Variants in SPIRE1 observed in about 807,000 individuals in gnomAD.
SPIRE1 encodes the protein protein spire homolog 1.
In SPIRE1, 40 loss-of-function variants were observed where a neutral mutation model predicts 94.1. That is an observed-to-expected ratio of 0.43 (90% confidence interval 0.33 to 0.55). The LOEUF (loss-of-function observed/expected upper bound fraction) is 0.55, where lower values mean the gene tolerates loss of function less well. Ranked by LOEUF, SPIRE1 falls within the 20% of genes least tolerant of loss-of-function variation. The probability of loss-of-function intolerance (pLI) is 0.06; values close to 1 mark genes in which losing one functional copy is unlikely to be tolerated. For synonymous variants in SPIRE1, 376 were observed against 371.7 expected (o/e 1.01, Z -0.13); for missense variants, 838 against 975.2 (o/e 0.86, Z 1.87).
At position 12,459,729 on chromosome 18, in the gene SPIRE1, C is replaced by A. The variant is rs903906919; in HGVS notation, c.1638+3622G>T. The stretch of plus-strand genomic sequence containing the variant: ...TCAGAGATACAGAGAATGAAATAAT[C>A]CCAGACCCAGCAGAAAGAGGCCAAC... On this transcript the variant is annotated intron_variant, in intron 12 of 16. Transcript: ENST00000409402. The A allele has an allele frequency of 5.1e-6, 5 of 985,110 alleles. No individual in the cohort carries two copies. In the African/African-American group the frequency reaches 7.0e-5, roughly 14 times the overall value. 61.0% of individuals were successfully genotyped at this position (985,110 alleles called of 1,614,324 possible).
rs1205963637 is a variant in SPIRE1, at chr18:12,546,912, C to A, written c.373-8G>T. 6.3e-7 allele frequency: 1 copy of A among 1,597,242 alleles called. No homozygotes were observed. Among genetic ancestry groups the A allele is most frequent in the Non-Finnish European group, 8.6e-7 (1 of 1,168,414 alleles). On this transcript the variant is annotated splice_polypyrimidine_tract_variant and splice_region_variant and intron_variant, in intron 2 of 16. Transcript: ENST00000409402. Reference sequence around the variant, plus strand: ...TCCCAAAGATTCAATGACCTAGGAACATTTAAAAAAGTGGTTAATGGAGAT... The same window carrying A: ...TCCCAAAGATTCAATGACCTAGGAAAATTTAAAAAAGTGGTTAATGGAGAT...
chr18:12,615,179 T>C (rs563210713), intron 2 of SPIRE1, among the ~76,000 whole-genome samples: 1 of 149,192 alleles, frequency 6.7e-6, no homozygotes, highest in African/African-American at 2.5e-5. Context: ...ATACAAAAAA[T>C]TAGCTGGGCG....
At chr18:12,574,961 G>A (rs1462354711) in intron 2 of SPIRE1, among the ~76,000 whole-genome samples, 2 of 152,196 alleles carry the variant, frequency 1.3e-5, no homozygotes, top group African/African-American at 4.8e-5. Flanking sequence ...GTAAGGTGGA[G>A]GTCATTGGAG....
chr18:12,521,759 C>T (rs1044357385), intron 4 of SPIRE1, among the ~76,000 whole-genome samples: 2 of 151,610 alleles, frequency 1.3e-5, no homozygotes, highest in Admixed American at 6.6e-5. Context: ...GTAATTCTCA[C>T]AATATTCCAT....
rs1412821685 is a variant in SPIRE1, at chr18:12,658,072, A to T, written c.-206T>A. Reference sequence around the variant, plus strand: ...CGAGGACACGGCTGCAGTCCCGGTCAGACAGCCGCCGGCCGGTAGCGACGC... The same window carrying T: ...CGAGGACACGGCTGCAGTCCCGGTCTGACAGCCGCCGGCCGGTAGCGACGC... On this transcript the variant is annotated 5_prime_UTR_variant, in exon 1 of 17. Transcript: ENST00000409402. 2.8e-5 allele frequency: 28 copies of T among 992,230 alleles called. No homozygotes were observed. Among genetic ancestry groups the T allele is most frequent in the Non-Finnish European group, 3.3e-5 (28 of 835,846 alleles). The allele number at this position is 992,230 out of a possible 1,614,324, so 61.5% of individuals were successfully genotyped here. A position where few individuals can be genotyped will look rare whatever the true frequency, so the allele number is the denominator to read the frequency against.
At chr18:12,548,348 G>A (rs1402263344) in intron 2 of SPIRE1, among the ~76,000 whole-genome samples, 2 of 152,176 alleles carry the variant, frequency 1.3e-5, no homozygotes, top group Non-Finnish European at 2.9e-5. Context: ...AAATACAAGA[G>A]AGTCATTGAC....
intron 4 of SPIRE1, among the ~76,000 whole-genome samples, chr18:12,525,004 C>T (rs2034464862): frequency 6.6e-6 from 1 of 150,548 alleles, no homozygotes; most frequent in Non-Finnish European, 1.5e-5. Flanking sequence ...TGGCCAGGCA[C>T]GGTGGCTCAC....
rs1241017649 is a variant in SPIRE1, at chr18:12,479,889, G to A, written c.1232-18C>T. On this transcript the variant is annotated intron_variant, in intron 9 of 16. Coordinates refer to ENST00000409402, the MANE Select transcript of SPIRE1 (RefSeq NM_001128626.2). ...AGTCACATCTGGTAAAAAAGCAAAA[G>A]CTTACCTTTTCTTGAGCCAAGAAAG... The A allele has an allele frequency of 1.2e-6, 2 of 1,606,982 alleles. No individual in the cohort carries two copies. The highest frequency in any genetic ancestry group is 2.2e-5 in the South Asian group (2 of 89,756).
At chr18:12,461,438 A>ACACATG (rs2031802932) in intron 12 of SPIRE1, among the ~76,000 whole-genome samples, 1 of 140,066 alleles carries the variant, frequency 7.1e-6, no homozygotes, top group African/African-American at 3.0e-5. Flanking sequence ...GTATGTATGT[A>ACACATG]TATACATACA....
chr18:12,612,487 A>G (rs2037170412), intron 2 of SPIRE1, among the ~76,000 whole-genome samples: 1 of 152,124 alleles, frequency 6.6e-6, no homozygotes, highest in Non-Finnish European at 1.5e-5. Flanking sequence ...TTTCATATTT[A>G]TATAGTCTTA....
chr18:12,544,825 T>A (rs1192879444), intron 3 of SPIRE1, among the ~76,000 whole-genome samples: 1 of 152,234 alleles, frequency 6.6e-6, no homozygotes, highest in Non-Finnish European at 1.5e-5. Context: ...ATTTTAAAAT[T>A]CCAATTACTC....
intron 2 of SPIRE1, among the ~76,000 whole-genome samples, chr18:12,579,192 CACACACAT>C (rs760106615): frequency 0.024 from 1,593 of 67,504 alleles, 15 homozygotes; most frequent in Middle Eastern, 0.042. Flanking sequence ...AGTTTACACA[CACACACAT>C]ACACACACAC....
chr18:12,595,554 G>A (rs1174571703), intron 2 of SPIRE1, among the ~76,000 whole-genome samples: 2 of 152,134 alleles, frequency 1.3e-5, no homozygotes, highest in Non-Finnish European at 2.9e-5. Context: ...AAAACTATAC[G>A]TGTGGCTCAT....
At chr18:12,524,188 T>C (rs2034438819) in intron 4 of SPIRE1, among the ~76,000 whole-genome samples, 1 of 152,254 alleles carries the variant, frequency 6.6e-6, no homozygotes, top group Non-Finnish European at 1.5e-5. Context: ...ATATAATACT[T>C]TGAAAAATTC....
At chr18:12,658,858 T>C, upstream of SPIRE1, 1 of 306,228 alleles carries the variant, frequency 3.3e-6, no homozygotes, top group South Asian at 2.6e-5. Flanking sequence ...AATATAAACA[T>C]GTACATAATT....
intron 2 of SPIRE1, among the ~76,000 whole-genome samples, chr18:12,591,968 C>CAAAAAAAAAAAAAAAAAAAAAA (rs35668057): frequency 3.0e-5 from 2 of 67,434 alleles, no homozygotes; most frequent in African/African-American, 5.7e-5. Context: ...GACTCCATCT[C>CAAAAAAAAAAAAAAAAAAAAAA]AAAAAAAAAA....
chr18:12,656,646 C>T (rs952649805), intron 1 of SPIRE1: 25 of 929,404 alleles, frequency 2.7e-5, no homozygotes, highest in Middle Eastern at 1.1e-3. Flanking sequence ...TTTTAATAGA[C>T]TTGCCTCTCA....
At chr18:12,450,117 G>GT (rs1442531709) in intron 16 of SPIRE1, among the ~76,000 whole-genome samples, 3 of 151,744 alleles carry the variant, frequency 2.0e-5, no homozygotes, top group Admixed American at 6.6e-5. Flanking sequence ...GCTCACGCCT[G>GT]TAATCCCAGC....
At chr18:12,637,140 A>G (rs2037952730) in intron 1 of SPIRE1, among the ~76,000 whole-genome samples, 1 of 152,150 alleles carries the variant, frequency 6.6e-6, no homozygotes, top group Admixed American at 6.5e-5. Flanking sequence ...CAGACAGATC[A>G]TGAGGTCAGG....
Sources: gnomAD v4.1 joint callset for allele counts (sites outside exome capture counted in the v4.1 genomes callset) on GRCh38, gnomAD v4.1.1 for gene constraint, MANE v1.5 for transcripts, NCBI Gene and HGNC (gene_info 2026-07-23, HGNC 2026-07-21) for gene names.